The following RBFOX1 variants were observed in gnomAD, a reference collection of about 807,000 sequenced individuals.
The protein encoded by RBFOX1 is RNA binding fox-1 homolog 1.
A neutral mutation model predicts 57.7 loss-of-function variants in RBFOX1; 8 were observed. The ratio of observed to expected loss-of-function variants is 0.14; its 90% CI spans 0.08 to 0.25. The LOEUF (loss-of-function observed/expected upper bound fraction) is 0.25, where lower values mean the gene tolerates loss of function less well. Ranked by LOEUF, RBFOX1 falls within the 10% of genes least tolerant of loss-of-function variation. The pLI is 1.00. For synonymous variants in RBFOX1, 326 were observed against 222.4 expected (o/e 1.47, Z -4.15); for missense variants, 611 against 548.5 (o/e 1.11, Z -1.14).
intron 10 of RBFOX1, among the ~76,000 whole-genome samples, chr16:7,607,766 A>C (rs2056623144): frequency 6.6e-6 from 1 of 152,172 alleles, no homozygotes; most frequent in South Asian, 2.1e-4. Context: ...TATTCCAATA[A>C]TGTGGGAGTG....
At chr16:6,309,393 G>A in intron 1 of RBFOX1, among the ~76,000 whole-genome samples, 1 of 152,106 alleles carries the variant, frequency 6.6e-6, no homozygotes, top group Admixed American at 6.6e-5. Flanking sequence ...GACAGACAGT[G>A]CAAATTAAAA....
chr16:7,555,133 A>G (rs1046063055), intron 5 of RBFOX1, among the ~76,000 whole-genome samples: 1 of 152,154 alleles, frequency 6.6e-6, no homozygotes, highest in African/African-American at 2.4e-5. Flanking sequence ...ATTACAATGC[A>G]TCTCCCCACC....
At chr16:6,092,157 C>G (rs1396530234) in intron 1 of RBFOX1, among the ~76,000 whole-genome samples, 1 of 152,204 alleles carries the variant, frequency 6.6e-6, no homozygotes, top group East Asian at 1.9e-4. Context: ...TGTGAGGGAA[C>G]TAATAAATGC....
Position 7,464,797 on chromosome 16 carries a change from C to A in RBFOX1, c.28-53350C>A, listed in dbSNP as rs538124889. 2.7e-5 allele frequency among the ~76,000 whole-genome samples: 4 copies of A among 150,342 alleles called. No individual in the cohort carries two copies. The East Asian group carries it at 6.0e-4, about 22-fold the overall frequency. On this transcript the variant is annotated intron_variant, in intron 4 of 15. Coordinates refer to ENST00000550418, the MANE Select transcript of RBFOX1 (RefSeq NM_018723.4). ...CTTCAAGCTCCGCCTCCCAGGTTCA[C>A]GCCATTCTCCTGCCTCAGCCTCCCG...
At chr16:6,830,976 T>A (rs765319848) in intron 3 of RBFOX1, among the ~76,000 whole-genome samples, 2 of 152,220 alleles carry the variant, frequency 1.3e-5, no homozygotes, top group Admixed American at 6.5e-5. Context: ...TATGTAAAGT[T>A]CTCCAAATGT....
chr16:6,290,528 G>A (rs1019932289), intron 1 of RBFOX1, among the ~76,000 whole-genome samples: 5 of 152,336 alleles, frequency 3.3e-5, no homozygotes, highest in African/African-American at 1.2e-4. Flanking sequence ...AGGCATAGCA[G>A]TGATGTCCGT....
chr16:7,001,453 TGTATAC>T lies in RBFOX1; in HGVS notation c.-15-50601_-15-50596del, dbSNP rs778487484. On this transcript the variant is annotated intron_variant, in intron 3 of 15. Transcript: ENST00000550418. ...ATGTATATGTATATGTATATGTATA[TGTATAC>T]GTGTATGTATATTTTGAGATGGAGT... is the stretch of plus-strand genomic sequence containing the variant. Among the ~76,000 whole-genome samples the T allele has an allele frequency of 7.6e-3, 1,101 of 144,562 alleles. 12 individuals are homozygous for T. Among genetic ancestry groups the T allele is most frequent in the Non-Finnish European group, 0.013 (818 of 65,112 alleles). The allele number at this position is 144,562 out of a possible 152,430, so 94.8% of individuals were successfully genotyped here.
At chr16:6,502,185 G>T (rs2095954472) in intron 2 of RBFOX1, among the ~76,000 whole-genome samples, 1 of 152,094 alleles carries the variant, frequency 6.6e-6, no homozygotes, top group South Asian at 2.1e-4. Flanking sequence ...GAAATTTTGT[G>T]CTTCTGTTAT....
chr16:6,758,008 A>G (rs1036373213), intron 3 of RBFOX1, among the ~76,000 whole-genome samples: 7 of 152,156 alleles, frequency 4.6e-5, no homozygotes, highest in African/African-American at 1.4e-4. Flanking sequence ...CCTGTCCTCT[A>G]TTACATTGAA....
intron 4 of RBFOX1, among the ~76,000 whole-genome samples, chr16:7,237,678 T>G (rs2152953125): frequency 6.6e-6 from 1 of 152,284 alleles, no homozygotes. Context: ...CAAAACGTGG[T>G]GTATACTGGA....
Position 6,550,964 on chromosome 16 carries a change from T to C in RBFOX1, c.-63-103639T>C, listed in dbSNP as rs546652109. Among the ~76,000 whole-genome samples the C allele has an allele frequency of 3.3e-5, 5 of 152,274 alleles. No homozygotes were observed. In the South Asian group the frequency reaches 1.0e-3, roughly 32 times the overall value. ...GTCTGGCTGTGTTCACTTATGGGAA[T>C]ACAAGTGTGGGCATTAATAGTTTGG... On this transcript the variant is annotated intron_variant, in intron 2 of 15. Coordinates refer to ENST00000550418, the MANE Select transcript of RBFOX1 (RefSeq NM_018723.4).
intron 14 of RBFOX1, chr16:7,693,271 T>C (rs753070829): frequency 3.8e-6 from 6 of 1,568,260 alleles, no homozygotes; most frequent in Non-Finnish European, 8.8e-7. Context: ...AGAGCACATT[T>C]CCCCCTGAGC....
At chr16:7,275,285 G>A (rs1453801802) in intron 4 of RBFOX1, among the ~76,000 whole-genome samples, 1 of 152,140 alleles carries the variant, frequency 6.6e-6, no homozygotes, top group East Asian at 1.9e-4. Context: ...GATATTCCAT[G>A]AAAACTTGAT....
chr16:7,615,937 C>G (rs763700876), intron 10 of RBFOX1, among the ~76,000 whole-genome samples: 48 of 152,140 alleles, frequency 3.2e-4, no homozygotes, highest in Non-Finnish European at 3.8e-4. Context: ...ACTCTCATGC[C>G]CCACTGGTTG....
At chr16:5,498,958 C>T (rs2043097440) in intron 2 of RBFOX1, among the ~76,000 whole-genome samples, 1 of 152,120 alleles carries the variant, frequency 6.6e-6, no homozygotes, top group South Asian at 2.1e-4. Context: ...GTAAGTGGCT[C>T]CTGGGCAGGT....
intron 3 of RBFOX1, among the ~76,000 whole-genome samples, chr16:5,728,167 C>A (rs1171061041): frequency 6.6e-6 from 1 of 152,210 alleles, no homozygotes; most frequent in Non-Finnish European, 1.5e-5. Flanking sequence ...ACGCTCATTG[C>A]AGCACTGTTG....
At chr16:5,994,893 C>T (rs1443497876) in intron 4 of RBFOX1, among the ~76,000 whole-genome samples, 1 of 152,166 alleles carries the variant, frequency 6.6e-6, no homozygotes, top group East Asian at 1.9e-4. Context: ...AGTTTCCACT[C>T]TTCTTCAGTG....
intron 3 of RBFOX1, among the ~76,000 whole-genome samples, chr16:6,657,143 C>G (rs1216155436): frequency 6.7e-6 from 1 of 150,028 alleles, no homozygotes; most frequent in Non-Finnish European, 1.5e-5. Context: ...CTCTTCTCTC[C>G]TCTTCTCTCC....
intron 2 of RBFOX1, among the ~76,000 whole-genome samples, chr16:5,534,272 C>G (rs961612048): frequency 1.3e-5 from 2 of 152,072 alleles, no homozygotes; most frequent in Non-Finnish European, 2.9e-5. Context: ...TCCAGAGGGA[C>G]AGAACTAACA....
Sources: allele counts gnomAD v4.1 joint callset (sites outside exome capture counted in the v4.1 genomes callset), GRCh38; gene constraint gnomAD v4.1.1; transcripts MANE v1.5; gene names NCBI Gene and HGNC (gene_info 2026-07-23, HGNC 2026-07-21).